DRD2: variants seen among roughly 807,000 people sequenced by gnomAD.
The protein encoded by DRD2 is dopamine receptor D2.
A neutral mutation model predicts 38.0 loss-of-function variants in DRD2; 8 were observed. The ratio of observed to expected loss-of-function variants is 0.21; its 90% CI spans 0.12 to 0.38. DRD2 has a LOEUF of 0.38. Ranked by LOEUF, DRD2 falls within the 10% of genes least tolerant of loss-of-function variation. DRD2 has a pLI of 1.00. For missense variants in DRD2, 403 were observed against 607.7 expected, an observed-to-expected ratio of 0.66 and a Z score of 3.54; for synonymous variants, 230 against 238.6, an observed-to-expected ratio of 0.96 and a Z score of 0.33.
At chr11:113,457,763 T>C (rs1951280937) in intron 1 of DRD2, among the ~76,000 whole-genome samples, 1 of 152,228 alleles carries the variant, frequency 6.6e-6, no homozygotes, top group Non-Finnish European at 1.5e-5. Flanking sequence ...GCTGTCCGAG[T>C]GGCAGCTCTC....
rs115799267 is a variant in DRD2 at position 113,420,774 on chromosome 11, G to A, written c.286-2638C>T. On this transcript the variant is annotated intron_variant, in intron 2 of 7. Coordinates refer to ENST00000362072, the MANE Select transcript of DRD2 (RefSeq NM_000795.4). ...AAGGAAAGATGATTATTTCAAGGGT[G>A]GACAAAACTAGGGAGGGTCAGAGAA... is the stretch of plus-strand genomic sequence containing the variant. Among the ~76,000 whole-genome samples the A allele has an allele frequency of 3.1e-3, 476 of 152,282 alleles. 1 individual carries two copies. Among genetic ancestry groups the A allele is most frequent in the African/African-American group, 0.011 (457 of 41,542 alleles).
At chr11:113,418,913 C>A (rs557084896) in intron 2 of DRD2, among the ~76,000 whole-genome samples, 3 of 152,220 alleles carry the variant, frequency 2.0e-5, no homozygotes, top group Admixed American at 2.0e-4. Context: ...CCCCACATGG[C>A]GGGCTGAGCA....
chr11:113,420,474 C>T (rs1035980738), intron 2 of DRD2, among the ~76,000 whole-genome samples: 2 of 152,178 alleles, frequency 1.3e-5, no homozygotes, highest in Non-Finnish European at 2.9e-5. Context: ...TGGCCACTGT[C>T]CATAAGACAT....
At chr11:113,443,706 C>T (rs1951114189) in intron 1 of DRD2, among the ~76,000 whole-genome samples, 1 of 152,162 alleles carries the variant, frequency 6.6e-6, no homozygotes, top group South Asian at 2.1e-4. Flanking sequence ...TAGTTTAGCT[C>T]ACTATTTCAT....
At chr11:113,420,422 T>C (rs1300274837) in intron 2 of DRD2, among the ~76,000 whole-genome samples, 3 of 152,072 alleles carry the variant, frequency 2.0e-5, no homozygotes, top group Non-Finnish European at 4.4e-5. Flanking sequence ...CCTTGGAGAG[T>C]AGTTAGGGCT....
chr11:113,425,038 A>G (rs1026966113), intron 1 of DRD2: 17 of 300,404 alleles, frequency 5.7e-5, no homozygotes, highest in Non-Finnish European at 9.5e-5. Context: ...CGAAACAGAA[A>G]TGGGTATTCA....
intron 1 of DRD2, among the ~76,000 whole-genome samples, chr11:113,474,048 C>T (rs993170463): frequency 3.9e-5 from 6 of 152,164 alleles, no homozygotes; most frequent in Non-Finnish European, 7.3e-5. Context: ...CACTCCCTCA[C>T]CCCCTCACCC....
At chr11:113,428,629 AT>A (rs200422085) in intron 1 of DRD2, among the ~76,000 whole-genome samples, 2,621 of 151,506 alleles carry the variant, frequency 0.017, 79 homozygotes, top group African/African-American at 0.06. Flanking sequence ...CTGGGATTTA[AT>A]TTTTTTTTAA....
At chr11:113,419,962 T>C (rs1026017460) in intron 2 of DRD2, among the ~76,000 whole-genome samples, 3 of 152,220 alleles carry the variant, frequency 2.0e-5, no homozygotes, top group African/African-American at 7.2e-5. Context: ...CTCCCTGTGC[T>C]GCTGCGCTGA....
intron 1 of DRD2, among the ~76,000 whole-genome samples, chr11:113,434,887 CA>C (rs1369412597): frequency 9.2e-5 from 14 of 152,038 alleles, no homozygotes; most frequent in African/African-American, 3.1e-4. Context: ...GGGGTGTCCC[CA>C]GGGGGAGGCT....
At chr11:113,412,423 G>A in intron 7 of DRD2, 133 bp downstream of exon 7, 1 of 1,101,374 alleles carries the variant, frequency 9.1e-7, no homozygotes, top group Non-Finnish European at 1.3e-6. Context: ...AGGGCTGTCT[G>A]TATGTCAATG....
chr11:113,451,077 T>C (rs962573868), intron 1 of DRD2, among the ~76,000 whole-genome samples: 3 of 152,202 alleles, frequency 2.0e-5, no homozygotes, highest in Non-Finnish European at 4.4e-5. Context: ...GAACCCACCC[T>C]GTAGTTACCT....
chr11:113,464,332 T>A (rs1053567060), intron 1 of DRD2, among the ~76,000 whole-genome samples: 2 of 152,030 alleles, frequency 1.3e-5, no homozygotes, highest in African/African-American at 2.4e-5. Flanking sequence ...CAGCCCCACA[T>A]CCCTGTGCCT....
intron 1 of DRD2, among the ~76,000 whole-genome samples, chr11:113,461,807 C>T (rs570245996): frequency 6.6e-6 from 1 of 152,270 alleles, no homozygotes; most frequent in African/African-American, 2.4e-5. Flanking sequence ...CTATATAAAG[C>T]ACTTAATATG....
intron 1 of DRD2, among the ~76,000 whole-genome samples, chr11:113,464,523 C>A (rs1411260404): frequency 1.3e-5 from 2 of 152,194 alleles, no homozygotes; most frequent in Non-Finnish European, 2.9e-5. Flanking sequence ...GTGCCATGAA[C>A]TCAGGTGAAA....
chr11:113,443,054 A>G (rs2119864777), intron 1 of DRD2, among the ~76,000 whole-genome samples: 1 of 152,302 alleles, frequency 6.6e-6, no homozygotes, highest in South Asian at 2.1e-4. Flanking sequence ...ACAGTGAACA[A>G]GTGGATCCAG....
chr11:113,431,743 A>C (rs1052263568), intron 1 of DRD2, among the ~76,000 whole-genome samples: 1 of 152,238 alleles, frequency 6.6e-6, no homozygotes. Flanking sequence ...GTTGGGATGT[A>C]GAGGCAGGCA....
chr11:113,436,043 C>T (rs4436578), intron 1 of DRD2, among the ~76,000 whole-genome samples: 111,410 of 152,078 alleles, frequency 0.73, 43,191 homozygotes, highest in Non-Finnish European at 0.88. Flanking sequence ...CCTCCGGAAG[C>T]CCTTGTCCCC....
chr11:113,426,729 C>G (rs1436102359), intron 1 of DRD2, among the ~76,000 whole-genome samples: 1 of 152,210 alleles, frequency 6.6e-6, no homozygotes, highest in Non-Finnish European at 1.5e-5. Flanking sequence ...CGGGGAAAAG[C>G]AAAGTGCCTA....
Sources: allele counts gnomAD v4.1 joint callset (sites outside exome capture counted in the v4.1 genomes callset), GRCh38; gene constraint gnomAD v4.1.1; transcripts MANE v1.5; gene names NCBI Gene and HGNC (gene_info 2026-07-23, HGNC 2026-07-21).